Variants in RALYL observed in about 807,000 individuals in gnomAD.
RALYL encodes RNA-binding Raly-like protein.
In RALYL, 29 loss-of-function variants were observed where a neutral mutation model predicts 35.1. That is an observed-to-expected ratio of 0.83 (90% CI 0.61 to 1.13). The LOEUF (loss-of-function observed/expected upper bound fraction) is 1.13. Among genes scored for constraint, RALYL ranks in the 50% most tolerant of loss-of-function variants. The pLI is 0.00. For synonymous variants in RALYL, 120 were observed against 127.6 expected (o/e 0.94, Z 0.40); for missense variants, 359 against 360.4 (o/e 1.00, Z 0.03).
intron 1 of RALYL, among the ~76,000 whole-genome samples, chr8:84,430,573 G>C (rs2047038605): frequency 6.6e-6 from 1 of 152,092 alleles, no homozygotes. Context: ...AAACCAGTGA[G>C]TGTCAGTGGT....
chr8:84,301,266 GT>G (rs1473042762), intron 1 of RALYL, among the ~76,000 whole-genome samples: 1 of 151,966 alleles, frequency 6.6e-6, no homozygotes, highest in Non-Finnish European at 1.5e-5. Flanking sequence ...GCCCAATGGG[GT>G]TCCCTTTGTA....
intron 2 of RALYL, among the ~76,000 whole-genome samples, chr8:84,634,458 C>T (rs1367154245): frequency 6.6e-6 from 1 of 151,828 alleles, no homozygotes; most frequent in African/African-American, 2.4e-5. Flanking sequence ...TATTTAACTT[C>T]TGAAGCTATT....
At chr8:84,326,723 T>C (rs938734824) in intron 1 of RALYL, among the ~76,000 whole-genome samples, 64 of 152,308 alleles carry the variant, frequency 4.2e-4, no homozygotes, top group Non-Finnish European at 5.1e-4. Context: ...TAAAATGCAA[T>C]TATATGTGAC....
chr8:84,672,419 C>T (rs1199411116), intron 2 of RALYL, among the ~76,000 whole-genome samples: 2 of 152,158 alleles, frequency 1.3e-5, no homozygotes, highest in Non-Finnish European at 2.9e-5. Context: ...TCTTCTGAGT[C>T]CTCCAACTGT....
At chr8:84,715,703 C>G (rs1589160056) in intron 2 of RALYL, among the ~76,000 whole-genome samples, 1 of 152,142 alleles carries the variant, frequency 6.6e-6, no homozygotes, top group African/African-American at 2.4e-5. Flanking sequence ...TGAATCATTA[C>G]ACACTTCTTG....
chr8:84,420,409 T>C (rs2045373765), intron 1 of RALYL, among the ~76,000 whole-genome samples: 1 of 152,154 alleles, frequency 6.6e-6, no homozygotes, highest in South Asian at 2.1e-4. Context: ...TTTTTTCTTG[T>C]ACATTTGTTT....
chr8:84,197,278 C>T (rs991593550), intron 1 of RALYL, among the ~76,000 whole-genome samples: 5 of 133,062 alleles, frequency 3.8e-5, no homozygotes, highest in Admixed American at 7.4e-5. Flanking sequence ...ACTGTGAAAC[C>T]CCGCAATCTA....
chr8:84,406,923 A>G (rs2043555600), intron 1 of RALYL, among the ~76,000 whole-genome samples: 1 of 152,032 alleles, frequency 6.6e-6, no homozygotes, highest in Non-Finnish European at 1.5e-5. Context: ...ACCTTGAAGC[A>G]TCTGGAAACA....
At chr8:84,398,634 C>T (rs775041633) in intron 1 of RALYL, among the ~76,000 whole-genome samples, 16 of 152,004 alleles carry the variant, frequency 1.1e-4, no homozygotes, top group Non-Finnish European at 2.1e-4. Context: ...CTGAAAACTA[C>T]CTTATTTTGG....
intron 2 of RALYL, among the ~76,000 whole-genome samples, chr8:84,685,704 G>C (rs1290498547): frequency 1.3e-5 from 2 of 152,108 alleles, no homozygotes; most frequent in Non-Finnish European, 2.9e-5. Context: ...TGGGCTTGGA[G>C]TTCAGCATTC....
intron 1 of RALYL, among the ~76,000 whole-genome samples, chr8:84,295,389 G>T (rs1321621052): frequency 6.6e-6 from 1 of 152,150 alleles, no homozygotes; most frequent in African/African-American, 2.4e-5. Flanking sequence ...TGCAAAAAGA[G>T]TCATGCTATT....
chr8:84,538,742 A>T (rs1030844191), intron 2 of RALYL, among the ~76,000 whole-genome samples: 8 of 152,216 alleles, frequency 5.3e-5, no homozygotes, highest in Non-Finnish European at 7.4e-5. Context: ...CCATAAAAGG[A>T]TGAAGTATTG....
At chr8:84,386,789 T>C (rs1233553236) in intron 1 of RALYL, among the ~76,000 whole-genome samples, 2 of 151,874 alleles carry the variant, frequency 1.3e-5, no homozygotes, top group Non-Finnish European at 2.9e-5. Context: ...TCCTACCTCC[T>C]CTGTCCTGTT....
At chr8:84,460,401 G>T (rs1052219843) in intron 1 of RALYL, among the ~76,000 whole-genome samples, 14 of 151,698 alleles carry the variant, frequency 9.2e-5, no homozygotes, top group Non-Finnish European at 3.0e-5. Flanking sequence ...TTGCTGCATT[G>T]TTCGTAAGAG....
chr8:84,261,660 A>C (rs532862445), intron 1 of RALYL, among the ~76,000 whole-genome samples: 1 of 152,252 alleles, frequency 6.6e-6, no homozygotes, highest in South Asian at 2.1e-4. Context: ...ATAGAACACT[A>C]TTTTGAAATC....
intron 1 of RALYL, among the ~76,000 whole-genome samples, chr8:84,233,491 T>C (rs1022584596): frequency 6.6e-6 from 1 of 152,154 alleles, no homozygotes; most frequent in Non-Finnish European, 1.5e-5. Context: ...TGGTCTGCTT[T>C]AGGTCTGGTG....
At chr8:84,590,480 C>T (rs1421727436) in intron 2 of RALYL, among the ~76,000 whole-genome samples, 3 of 152,094 alleles carry the variant, frequency 2.0e-5, no homozygotes, top group Non-Finnish European at 4.4e-5. Context: ...ATCATTTGTT[C>T]AAACGTAGCA....
intron 1 of RALYL, among the ~76,000 whole-genome samples, chr8:84,214,797 ACAGAG>A (rs1225976405): frequency 3.3e-5 from 5 of 152,132 alleles, no homozygotes; most frequent in African/African-American, 1.2e-4. Flanking sequence ...ATGCCAAACA[ACAGAG>A]TAATTTTTAC....
intron 2 of RALYL, among the ~76,000 whole-genome samples, chr8:84,652,981 G>T (rs560063556): frequency 6.6e-6 from 1 of 152,116 alleles, no homozygotes; most frequent in South Asian, 2.1e-4. Flanking sequence ...GAAAAATAGA[G>T]AACTTGGACA....
Sources: allele counts gnomAD v4.1 joint callset (sites outside exome capture counted in the v4.1 genomes callset), GRCh38; gene constraint gnomAD v4.1.1; transcripts MANE v1.5; gene names NCBI Gene and HGNC (gene_info 2026-07-23, HGNC 2026-07-21).